CACNA1C: variants seen among roughly 807,000 people sequenced by gnomAD.
CACNA1C encodes voltage-dependent L-type calcium channel subunit alpha-1C.
A neutral mutation model predicts 229.0 loss-of-function variants in CACNA1C; 30 were observed. The observed-to-expected ratio is 0.13, with a 90% CI of 0.10 to 0.18. The LOEUF (loss-of-function observed/expected upper bound fraction) is 0.18, where lower values mean the gene tolerates loss of function less well. CACNA1C is among the 10% of genes least tolerant of loss of function. The probability of loss-of-function intolerance (pLI) is 1.00; values close to 1 mark genes in which losing one functional copy is unlikely to be tolerated. For missense variants in CACNA1C, 1,658 were observed against 2,845.0 expected (o/e 0.58, Z 9.49); for synonymous variants, 1,114 against 1,132.5 (o/e 0.98, Z 0.33).
Position 2,053,549 on chromosome 12 carries a change from AC to A in CACNA1C, c.-12del, listed in dbSNP as rs1175055882. ...CTTCGTGGCTGCTCCTCCTATTAAA[AC>A]CATTTTTGGTCCATGGTCAATGAGA... On this transcript the variant is annotated 5_prime_UTR_variant, in exon 1 of 47. Coordinates refer to ENST00000399655, the MANE Select transcript of CACNA1C (RefSeq NM_000719.7). The surrounding 1 kb of genome is among the most constrained non-coding windows in gnomAD (Gnocchi z 5.8). The A allele has an allele frequency of 6.3e-7, 1 of 1,585,698 alleles. No individual in the cohort carries two copies. The highest frequency in any genetic ancestry group is 8.6e-7 in the Non-Finnish European group (1 of 1,166,154).
chr12:2,307,173 C>T (rs958648009), intron 3 of CACNA1C, among the ~76,000 whole-genome samples: 11 of 152,166 alleles, frequency 7.2e-5, no homozygotes, highest in South Asian at 4.1e-4. Context: ...CTGACCTGGA[C>T]GTTAGGTCAT....
chr12:2,652,404 GAAGTT>G (rs944910688), intron 32 of CACNA1C, among the ~76,000 whole-genome samples: 1 of 152,200 alleles, frequency 6.6e-6, no homozygotes, highest in African/African-American at 2.4e-5. Flanking sequence ...TTGTAGGTTT[GAAGTT>G]AAGGAGAAGC....
rs539199838 is a variant in CACNA1C, at chr12:2,127,766, G to A, written c.477+7336G>A. 2.5e-4 allele frequency among the ~76,000 whole-genome samples: 38 copies of A among 152,346 alleles called. No individual in the cohort carries two copies. In the South Asian group the frequency reaches 7.7e-3, roughly 31 times the overall value. ...TCTTAAAAGCTATACCAGAGCCAGA[G>A]TTGCAGGCACTGACCTAGGAAGAGA... On this transcript the variant is annotated intron_variant, in intron 3 of 46. Coordinates refer to ENST00000399655, the MANE Select transcript of CACNA1C (RefSeq NM_000719.7).
intron 3 of CACNA1C, among the ~76,000 whole-genome samples, chr12:2,207,135 A>G (rs1365447958): frequency 1.3e-5 from 2 of 152,170 alleles, no homozygotes; most frequent in Non-Finnish European, 2.9e-5. Flanking sequence ...TCCCTTCCCA[A>G]GGCAAGGCAT....
rs2095193006 is a variant in CACNA1C at position 2,653,155 on chromosome 12, G to C, written c.4075-680G>C. ...AGGCAGATAATGCATGGAGCGAATA[G>C]AGCGTATGGAACCCAGCTCTGCAAG... is the stretch of plus-strand genomic sequence containing the variant. On this transcript the variant is annotated intron_variant, in intron 32 of 46. Transcript: ENST00000399655. This position sits in a 1 kb window ranked among gnomAD's most constrained non-coding sequence, Gnocchi z 4.7. Among the ~76,000 whole-genome samples, 1 of 152,236 alleles carries C rather than the reference G, an allele frequency of 6.6e-6. No individual in the cohort carries two copies. The highest frequency in any genetic ancestry group is 6.5e-5 in the Admixed American group (1 of 15,284).
At position 2,364,841 on chromosome 12, in the gene CACNA1C, G is replaced by A. The variant is rs180913984; in HGVS notation, c.478-84135G>A. Among the ~76,000 whole-genome samples, 381 of 152,282 alleles carry A rather than the reference G, an allele frequency of 2.5e-3. 3 individuals carry two copies. Among genetic ancestry groups the A allele is most frequent in the African/African-American group, 7.9e-3 (328 of 41,542 alleles). ...CCTCAGGAAGCACAAAGAAGAGAACGATCTTGTGATTCCAGGAGAGTCTCT... is the reference window on the plus strand; with the variant it reads ...CCTCAGGAAGCACAAAGAAGAGAACAATCTTGTGATTCCAGGAGAGTCTCT... On this transcript the variant is annotated intron_variant, in intron 3 of 46. Transcript: ENST00000399655.
chr12:2,384,401 C>G (rs2098330271), intron 3 of CACNA1C, among the ~76,000 whole-genome samples: 1 of 152,148 alleles, frequency 6.6e-6, no homozygotes, highest in Admixed American at 6.5e-5. Flanking sequence ...CTACTTTGGT[C>G]GTGGATTCGG....
chr12:2,043,677 C>T (rs1179327226), intron 1 of CACNA1C, among the ~76,000 whole-genome samples: 7 of 118,342 alleles, frequency 5.9e-5, no homozygotes, highest in Non-Finnish European at 1.1e-4. Context: ...GAGACAGAGT[C>T]TCGCTCTGTC....
chr12:2,162,009 G>A (rs913301844), intron 3 of CACNA1C, among the ~76,000 whole-genome samples: 1 of 152,180 alleles, frequency 6.6e-6, no homozygotes. Flanking sequence ...CAGCCAGATT[G>A]TAAGGTCAAC....
chr12:1,992,956 A>G (rs2039823265), intron 1 of CACNA1C: 1 of 597,166 alleles, frequency 1.7e-6, no homozygotes, highest in African/African-American at 1.9e-5. Context: ...TCTCCTCACT[A>G]AGAACTTGCC....
chr12:2,456,637 C>T (rs1365477348), intron 4 of CACNA1C, among the ~76,000 whole-genome samples: 1 of 152,164 alleles, frequency 6.6e-6, no homozygotes, highest in African/African-American at 2.4e-5. Flanking sequence ...TGAAGTGGGT[C>T]CCGCCCTCAC....
At chr12:2,009,324 G>C (rs1027635866) in intron 1 of CACNA1C, among the ~76,000 whole-genome samples, 2 of 152,156 alleles carry the variant, frequency 1.3e-5, no homozygotes, top group African/African-American at 4.8e-5. Flanking sequence ...AATCAATTAA[G>C]GTAATTGTAA....
chr12:2,047,839 T>C (rs1353264392), intron 1 of CACNA1C, among the ~76,000 whole-genome samples: 1 of 152,160 alleles, frequency 6.6e-6, no homozygotes, highest in Non-Finnish European at 1.5e-5. Flanking sequence ...AGGATGGGTG[T>C]GAAGTTGCCG....
chr12:2,529,073 T>C (rs1362676838), intron 9 of CACNA1C, among the ~76,000 whole-genome samples: 1 of 152,218 alleles, frequency 6.6e-6, no homozygotes, highest in African/African-American at 2.4e-5. Context: ...TGTAGAAGTT[T>C]AGTTACATAT....
intron 1 of CACNA1C, among the ~76,000 whole-genome samples, chr12:2,085,895 T>A (rs1595456205): frequency 6.6e-6 from 1 of 152,232 alleles, no homozygotes; most frequent in East Asian, 1.9e-4. Flanking sequence ...TGTCTACTGC[T>A]GGTTCCCAAC....
intron 1 of CACNA1C, among the ~76,000 whole-genome samples, chr12:2,013,427 A>T (rs1044804770): frequency 6.6e-6 from 1 of 152,246 alleles, no homozygotes; most frequent in Non-Finnish European, 1.5e-5. Flanking sequence ...AAAGGCACTT[A>T]TAACAAAATG....
At position 2,155,275 on chromosome 12, in the gene CACNA1C, C is replaced by T. The variant is rs555210522; in HGVS notation, c.477+34845C>T. ...GTGGACAACAGGAGTTTTGTTAGTG[C>T]TCTTCAGGGTCCCGGAGATCATGTA... On this transcript the variant is annotated intron_variant, in intron 3 of 46. Coordinates refer to ENST00000399655, the MANE Select transcript of CACNA1C (RefSeq NM_000719.7). Among the ~76,000 whole-genome samples, 48 of 152,236 alleles carry T rather than the reference C, an allele frequency of 3.2e-4. 1 individual carries two copies. In the South Asian group the frequency reaches 7.9e-3, roughly 25 times the overall value.
intron 22 of CACNA1C, chr12:2,603,632 T>C (rs547582787): frequency 4.6e-5 from 7 of 152,324 alleles, no homozygotes; most frequent in African/African-American, 1.7e-4. Flanking sequence ...TGTCTCCTGC[T>C]GTCTCCATTG....
chr12:2,097,794 A>G (rs1049558908), intron 1 of CACNA1C, among the ~76,000 whole-genome samples: 2 of 152,188 alleles, frequency 1.3e-5, no homozygotes, highest in Admixed American at 6.5e-5. Flanking sequence ...GAGCCCAGCC[A>G]TGGGCAGAGC....
Sources: gnomAD v4.1 joint callset for allele counts (sites outside exome capture counted in the v4.1 genomes callset) on GRCh38, gnomAD v4.1.1 for gene constraint, Gnocchi (gnomAD v3.1) non-coding constraint, MANE v1.5 for transcripts, NCBI Gene and HGNC (gene_info 2026-07-23, HGNC 2026-07-21) for gene names.